Variants in VRK2 observed in about 807,000 individuals in gnomAD.
VRK2 encodes serine/threonine-protein kinase VRK2.
Under a neutral mutation model 57.6 loss-of-function variants are expected in VRK2, and 60 were observed. The ratio of observed to expected loss-of-function variants is 1.04; its 90% confidence interval spans 0.85 to 1.29. The LOEUF (loss-of-function observed/expected upper bound fraction) is 1.29. Ranked by LOEUF, VRK2 falls within the 50% of genes most tolerant of loss-of-function variation. The pLI is 0.00. For synonymous variants in VRK2, 231 were observed against 199.2 expected (o/e 1.16, Z -1.35); for missense variants, 705 against 588.1 (o/e 1.20, Z -2.06).
chr2:58,006,246 G>A (rs770485119), intron 1 of VRK2, among the ~76,000 whole-genome samples: 3 of 152,194 alleles, frequency 2.0e-5, no homozygotes, highest in Non-Finnish European at 4.4e-5. Flanking sequence ...GAGTCACTGA[G>A]CAGAGATTCT....
At chr2:58,052,143 G>A (rs1675835946) in intron 2 of VRK2, among the ~76,000 whole-genome samples, 2 of 152,158 alleles carry the variant, frequency 1.3e-5, no homozygotes, top group South Asian at 4.1e-4. Context: ...ATCCTGACCT[G>A]ATGAAGCCAC....
At chr2:57,958,447 T>TTGTATATATATACA in intron 1 of VRK2, among the ~76,000 whole-genome samples, 1 of 142,006 alleles carries the variant, frequency 7.0e-6, no homozygotes, top group East Asian at 1.9e-4. Context: ...GTATATATAT[T>TTGTATATATATACA]TGTATATATA....
chr2:58,061,138 C>T (rs1382131390), intron 2 of VRK2, among the ~76,000 whole-genome samples: 2 of 151,224 alleles, frequency 1.3e-5, no homozygotes, highest in Non-Finnish European at 3.0e-5. Context: ...AGTTTCATAA[C>T]AAAATTCAAA....
chr2:58,148,135 T>C (rs180840080), intron 12 of VRK2, among the ~76,000 whole-genome samples: 3 of 152,008 alleles, frequency 2.0e-5, no homozygotes, highest in Non-Finnish European at 4.4e-5. Context: ...AGTACCATTC[T>C]GTACTCCCAC....
At chr2:58,087,859 T>C (rs757689759) in intron 5 of VRK2, among the ~76,000 whole-genome samples, 1 of 152,058 alleles carries the variant, frequency 6.6e-6, no homozygotes, top group African/African-American at 2.4e-5. Context: ...TGGTGGTGCA[T>C]GCCTGCAGTC....
intron 1 of VRK2, among the ~76,000 whole-genome samples, chr2:57,910,370 G>A (rs764527964): frequency 3.9e-5 from 6 of 152,084 alleles, no homozygotes; most frequent in African/African-American, 9.7e-5. Context: ...AAAACACAAC[G>A]CTCAGCTTTG....
At chr2:58,076,333 C>A (rs919880260) in intron 2 of VRK2, among the ~76,000 whole-genome samples, 7 of 151,946 alleles carry the variant, frequency 4.6e-5, no homozygotes, top group Non-Finnish European at 8.8e-5. Flanking sequence ...GCTCAGAACA[C>A]TTTTATTAGC....
intron 11 of VRK2, among the ~76,000 whole-genome samples, chr2:58,145,340 A>C (rs1170799892): frequency 6.6e-6 from 1 of 151,988 alleles, no homozygotes; most frequent in Non-Finnish European, 1.5e-5. Context: ...ACTGTTATTC[A>C]TCTTGCTCAA....
intron 2 of VRK2, among the ~76,000 whole-genome samples, chr2:58,065,529 C>T (rs1187951648): frequency 6.6e-6 from 1 of 152,106 alleles, no homozygotes; most frequent in Non-Finnish European, 1.5e-5. Flanking sequence ...CATTGAAGGA[C>T]ATTTGGGTAG....
chr2:58,030,758 T>C (rs908543251), intron 2 of VRK2, among the ~76,000 whole-genome samples: 20 of 152,028 alleles, frequency 1.3e-4, no homozygotes, highest in Admixed American at 2.6e-4. Flanking sequence ...AGCATGGGGT[T>C]GAAAGTGATG....
At position 57,944,867 on chromosome 2, in the gene VRK2, G is replaced by A. The variant is rs535832310; in HGVS notation, c.-439+37028G>A. Among the ~76,000 whole-genome samples the A allele has an allele frequency of 7.4e-4, 113 of 152,036 alleles. 1 individual carries two copies. Among genetic ancestry groups the A allele is most frequent in the African/African-American group, 2.7e-3 (111 of 41,426 alleles). ...AAGAAAGAGGAAAAAGAAGAAAAAC[G>A]TGGAGCAGTAATAATCCCTACAGCG... On this transcript the variant is annotated intron_variant, in intron 1 of 15. Coordinates refer to the VRK2 transcript ENST00000417641.
At position 57,974,407 on chromosome 2, in the gene VRK2, A is replaced by G. The variant is rs115072732; in HGVS notation, c.-438-51258A>G. ...CTCACACTTTTAAAGTATATATGGG[A>G]TTTTTTTATAAATTGTCTACGTAGT... On this transcript the variant is annotated intron_variant, in intron 1 of 15. Transcript: ENST00000417641. Among the ~76,000 whole-genome samples the G allele has an allele frequency of 5.4e-3, 817 of 152,010 alleles. 9 individuals carry two copies. The highest frequency in any genetic ancestry group is 0.019 in the African/African-American group (775 of 41,522).
chr2:57,970,219 T>C (rs999747343), intron 1 of VRK2, among the ~76,000 whole-genome samples: 3 of 149,372 alleles, frequency 2.0e-5, no homozygotes, highest in African/African-American at 7.3e-5. Context: ...TACATATATA[T>C]ACACATATAT....
At chr2:58,120,015 A>G (rs1489280915) in intron 7 of VRK2, among the ~76,000 whole-genome samples, 1 of 151,734 alleles carries the variant, frequency 6.6e-6, no homozygotes, top group East Asian at 1.9e-4. Flanking sequence ...GAAAACAGCA[A>G]GTGTTGTTGG....
intron 7 of VRK2, among the ~76,000 whole-genome samples, chr2:58,118,204 G>A (rs1008321908): frequency 6.6e-6 from 1 of 152,206 alleles, no homozygotes; most frequent in Non-Finnish European, 1.5e-5. Context: ...AGGAGAGAAG[G>A]GGTTGGGGTA....
At chr2:58,047,071 C>T (rs1297757667) in intron 1 of VRK2, 1 of 751,874 alleles carries the variant, frequency 1.3e-6, no homozygotes, top group Non-Finnish European at 1.6e-6. Context: ...GGAGTGAGAA[C>T]AAGGCGTCCC....
chr2:58,014,467 A>C (rs1053834370), intron 1 of VRK2, among the ~76,000 whole-genome samples: 1 of 152,240 alleles, frequency 6.6e-6, no homozygotes, highest in East Asian at 1.9e-4. Flanking sequence ...CTTCAGTGCA[A>C]GGGAAAATTT....
chr2:58,147,800 G>GT (rs55745402), intron 12 of VRK2, among the ~76,000 whole-genome samples: 2,475 of 132,658 alleles, frequency 0.019, 39 homozygotes, highest in African/African-American at 0.046. Flanking sequence ...TTCACTCAGT[G>GT]TTTTTTTTTT....
intron 2 of VRK2, 140 bp from the exon 3 acceptor site, chr2:58,083,949 T>G: frequency 1.2e-6 from 1 of 802,142 alleles, no homozygotes; most frequent in South Asian, 2.8e-5. Flanking sequence ...GATGATTGAT[T>G]CCTACTACCA....
Sources: gnomAD v4.1 joint callset for allele counts (sites outside exome capture counted in the v4.1 genomes callset) on GRCh38, gnomAD v4.1.1 for gene constraint, MANE v1.5 for transcripts, NCBI Gene and HGNC (gene_info 2026-07-23, HGNC 2026-07-21) for gene names.